Variants in ANKFN1 observed in about 807,000 individuals in gnomAD.
ANKFN1 encodes the protein ankyrin repeat and fibronectin type III domain containing 1, also known as ankyrin repeat and fibronectin type-III domain-containing protein 1.
Under a neutral mutation model 108.7 loss-of-function variants are expected in ANKFN1, and 74 were observed. The observed-to-expected ratio is 0.68, with a 90% confidence interval of 0.56 to 0.83. The LOEUF (loss-of-function observed/expected upper bound fraction) is 0.83. ANKFN1 is among the 40% of genes least tolerant of loss of function. The probability of loss-of-function intolerance (pLI) is 0.00; values close to 1 mark genes in which losing one functional copy is unlikely to be tolerated. For missense variants in ANKFN1, 1,505 were observed against 1,382.3 expected (o/e 1.09, Z -1.41); for synonymous variants, 547 against 516.2 (o/e 1.06, Z -0.81).
chr17:56,264,889 G>A (rs1191508639), intron 3 of ANKFN1, among the ~76,000 whole-genome samples: 1 of 152,032 alleles, frequency 6.6e-6, no homozygotes, highest in Non-Finnish European at 1.5e-5. Context: ...ATACTTTGGG[G>A]TCTTTTTTCT....
At chr17:56,075,077 A>G (rs1249652773) in intron 4 of ANKFN1, among the ~76,000 whole-genome samples, 1 of 152,232 alleles carries the variant, frequency 6.6e-6, no homozygotes, top group Non-Finnish European at 1.5e-5. Flanking sequence ...AGCTAGCAGG[A>G]AACAGACCCA....
At chr17:56,143,182 G>A (rs963717878) in intron 4 of ANKFN1, among the ~76,000 whole-genome samples, 7 of 152,280 alleles carry the variant, frequency 4.6e-5, no homozygotes, top group East Asian at 3.9e-4. Flanking sequence ...GGGGCTTCAC[G>A]CATGGTAGGC....
chr17:56,093,108 ATCTCATGATG>A (rs1905451580), intron 4 of ANKFN1, among the ~76,000 whole-genome samples: 1 of 151,360 alleles, frequency 6.6e-6, no homozygotes. Flanking sequence ...CAGGCATGAT[ATCTCATGATG>A]TTCACAGTCC....
At chr17:56,184,495 T>A (rs557874890) in intron 1 of ANKFN1, among the ~76,000 whole-genome samples, 115 of 152,272 alleles carry the variant, frequency 7.6e-4, no homozygotes, top group African/African-American at 2.6e-3. Context: ...AACAAAAAAA[T>A]TAATGCGACT....
chr17:56,251,874 TATTCATCCACTC>T, intron 3 of ANKFN1, among the ~76,000 whole-genome samples: 1 of 152,342 alleles, frequency 6.6e-6, no homozygotes. Flanking sequence ...TTCAAGAATG[TATTCATCCACTC>T]ATTCATCCTT....
intron 8 of ANKFN1, among the ~76,000 whole-genome samples, chr17:56,377,367 A>G (rs2046973040): frequency 6.6e-6 from 1 of 152,242 alleles, no homozygotes; most frequent in Non-Finnish European, 1.5e-5. Flanking sequence ...GCACCAGGCC[A>G]ACTGCCATCA....
At chr17:56,251,404 A>G (rs1366418084) in intron 3 of ANKFN1, among the ~76,000 whole-genome samples, 2 of 152,160 alleles carry the variant, frequency 1.3e-5, no homozygotes, top group Non-Finnish European at 2.9e-5. Flanking sequence ...ACAATATCTG[A>G]CCCAAAGAGT....
At chr17:56,401,120 G>A (rs1598533936) in intron 8 of ANKFN1, among the ~76,000 whole-genome samples, 2 of 152,178 alleles carry the variant, frequency 1.3e-5, no homozygotes, top group Admixed American at 1.3e-4. Flanking sequence ...CTAATTCTGT[G>A]AAGAATGATG....
At chr17:56,455,541 A>G (rs1195182331) in intron 11 of ANKFN1, among the ~76,000 whole-genome samples, 3 of 152,216 alleles carry the variant, frequency 2.0e-5, no homozygotes, top group Non-Finnish European at 2.9e-5. Flanking sequence ...GCCTAACAGC[A>G]GTCATATGGA....
At chr17:56,281,326 A>G (rs1406388194) in intron 3 of ANKFN1, among the ~76,000 whole-genome samples, 1 of 152,218 alleles carries the variant, frequency 6.6e-6, no homozygotes, top group Non-Finnish European at 1.5e-5. Context: ...TGTTTTCAAT[A>G]AATGGTTCTA....
intron 3 of ANKFN1, among the ~76,000 whole-genome samples, chr17:56,265,907 C>A (rs1026257397): frequency 3.3e-5 from 5 of 152,060 alleles, no homozygotes; most frequent in African/African-American, 1.2e-4. Flanking sequence ...TCCACAGATG[C>A]AGAACCTGTA....
At chr17:56,091,306 GGTCATTGA>G (rs1456468246) in intron 4 of ANKFN1, among the ~76,000 whole-genome samples, 1 of 150,840 alleles carries the variant, frequency 6.6e-6, no homozygotes, top group Admixed American at 6.6e-5. Flanking sequence ...GATACAATAA[GGTCATTGA>G]GTAAAATTGT....
At chr17:56,477,781 C>A in intron 16 of ANKFN1, 127 bp downstream of exon 16, 1 of 976,206 alleles carries the variant, frequency 1.0e-6, no homozygotes, top group Non-Finnish European at 1.5e-6. Context: ...TCCTCAGATG[C>A]CACACTGAAG....
intron 8 of ANKFN1, among the ~76,000 whole-genome samples, chr17:56,422,782 G>T (rs191080823): frequency 6.6e-6 from 1 of 152,106 alleles, no homozygotes; most frequent in Admixed American, 6.5e-5. Context: ...AAATGTTTTA[G>T]CATTTTCCAC....
In ANKFN1 at chr17:56,515,927, TTTG is replaced by T. The variant is rs1338843071; in HGVS notation, c.*4667_*4669del. On this transcript the variant is annotated 3_prime_UTR_variant, in exon 21 of 21. Coordinates refer to ENST00000682825, the MANE Select transcript of ANKFN1 (RefSeq NM_001370326.1). The stretch of plus-strand genomic sequence containing the variant: ...ATTCTATTGTGATAAAGGAAGTAGA[TTTG>T]TTGTTGTTTTAAATATTATCATAGG... Among the ~76,000 whole-genome samples, 2 of 152,186 alleles carry T rather than the reference TTTG, an allele frequency of 1.3e-5. No homozygotes were observed. Among genetic ancestry groups the T allele is most frequent in the African/African-American group, 4.8e-5 (2 of 41,442 alleles).
At chr17:56,174,100 C>T (rs887293195) in intron 1 of ANKFN1, 14 of 873,470 alleles carry the variant, frequency 1.6e-5, no homozygotes, top group South Asian at 5.3e-5. Flanking sequence ...TCCAAGAATC[C>T]GTGGGTCAGC....
At chr17:56,295,420 T>A (rs1053380572) in intron 3 of ANKFN1, among the ~76,000 whole-genome samples, 1 of 152,216 alleles carries the variant, frequency 6.6e-6, no homozygotes, top group Non-Finnish European at 1.5e-5. Context: ...CAGTATCACC[T>A]GGGAATCTTG....
intron 3 of ANKFN1, among the ~76,000 whole-genome samples, chr17:56,314,530 A>T (rs1446626967): frequency 1.3e-5 from 2 of 152,150 alleles, no homozygotes; most frequent in African/African-American, 2.4e-5. Context: ...TTATGTGCTT[A>T]TTGACCATTT....
rs1277033100 is a variant in ANKFN1, at chr17:56,176,432, A to G, written c.-71+22902A>G. 1.3e-5 allele frequency among the ~76,000 whole-genome samples: 2 copies of G among 152,310 alleles called. 1 individual carries two copies. Among genetic ancestry groups the G allele is most frequent in the East Asian group, 3.9e-4 (2 of 5,182 alleles). On this transcript the variant is annotated intron_variant, in intron 1 of 20. Coordinates refer to ENST00000682825, the MANE Select transcript of ANKFN1 (RefSeq NM_001370326.1). ...TACTCAAGTTTAAAGTTTGGATTTG[A>G]TGGATATGCACTTGGGAATGCACGG...
Sources: gnomAD v4.1 joint callset for allele counts (sites outside exome capture counted in the v4.1 genomes callset) on GRCh38, gnomAD v4.1.1 for gene constraint, MANE v1.5 for transcripts, NCBI Gene and HGNC (gene_info 2026-07-23, HGNC 2026-07-21) for gene names.